ZNF26: variants seen among roughly 807,000 people sequenced by gnomAD.
The protein encoded by ZNF26 is epididymis luminal protein 179.
In ZNF26, 32 loss-of-function variants were observed where a neutral mutation model predicts 54.9. The observed-to-expected ratio is 0.58, with a 90% CI of 0.44 to 0.78. The LOEUF (loss-of-function observed/expected upper bound fraction) is 0.78. ZNF26 is among the 30% of genes least tolerant of loss of function. The pLI is 0.00. For missense variants in ZNF26, 524 were observed against 634.0 expected, an observed-to-expected ratio of 0.83 and a Z score of 1.86; for synonymous variants, 221 against 209.2, an observed-to-expected ratio of 1.06 and a Z score of -0.49.
At chr12:133,008,344 C>T (rs888987839) in intron 3 of ZNF26, among the ~76,000 whole-genome samples, 20 of 152,148 alleles carry the variant, frequency 1.3e-4, no homozygotes, top group African/African-American at 2.2e-4. Context: ...GCCATCTTGC[C>T]GTTCAAGCTG....
chr12:132,997,014 T>C (rs2137227564), intron 1 of ZNF26, among the ~76,000 whole-genome samples: 1 of 152,346 alleles, frequency 6.6e-6, no homozygotes, highest in Admixed American at 6.5e-5. Context: ...CCTGCACCAT[T>C]ACCCCCAGAC....
Position 133,010,578 on chromosome 12 carries a change from T to C in ZNF26, c.699T>C (p.Ser233=). 1 of 1,614,198 alleles carries C rather than the reference T, an allele frequency of 6.2e-7. No individual in the cohort carries two copies. The highest frequency in any genetic ancestry group is 8.5e-7 in the Non-Finnish European group (1 of 1,180,030). Residue 233 remains serine (S), a synonymous_variant, in exon 4 of 4, where the codon AGT becomes AGC. Transcript: ENST00000328654. ...VHTGEKPYSC[S]ECEKVFSFRS... ...CAGGAGAAAAACCCTACTCATGTAG[T>C]GAGTGCGAGAAGGTCTTCTCTTTCA...
At chr12:133,007,618 A>G in intron 3 of ZNF26, 86 bp downstream of exon 3, 3 of 953,472 alleles carry the variant, frequency 3.1e-6, no homozygotes, top group Non-Finnish European at 4.8e-6. Context: ...TGTTGTCTTC[A>G]GAAATGCTTC....
Position 133,007,493 on chromosome 12 carries a change from T to C in ZNF26, c.217T>C (p.Trp73Arg). 6.2e-7 allele frequency: 1 copy of C among 1,613,948 alleles called. No individual in the cohort carries two copies. Among genetic ancestry groups the C allele is most frequent in the East Asian group, 2.2e-5 (1 of 44,868 alleles). Residue 73 changes from tryptophan (W) to arginine (R), a missense_variant, in exon 3 of 4, where the codon TGG (tryptophan) becomes CGG (arginine). Trp to Arg is a moderately radical substitution (Grantham distance 101). Coordinates refer to ENST00000328654, the MANE Select transcript of ZNF26 (RefSeq NM_019591.4). ...CAAGTTGGAACAAGGAGAAGATCCA[T>C]GGATAATAAATGCCAAAATTTCCAG... Reference protein sequence around the residue: ...IFKLEQGEDPWIINAKISRQS... With the variant: ...IFKLEQGEDPRIINAKISRQS...
Position 133,010,716 on chromosome 12 carries a change from TCA to T in ZNF26, c.842_843del (p.Thr281ArgfsTer6), listed in dbSNP as rs1953451530. 1 of 1,613,324 alleles carries T rather than the reference TCA, an allele frequency of 6.2e-7. No homozygotes were observed. Among genetic ancestry groups the T allele is most frequent in the Non-Finnish European group, 8.5e-7 (1 of 1,179,676 alleles). On this transcript the variant is annotated frameshift_variant, in exon 4 of 4. Coordinates refer to ENST00000328654, the MANE Select transcript of ZNF26 (RefSeq NM_019591.4). LOFTEE classifies it high-confidence loss of function. ...KSQLLLHQRS[H>X]TGVKPYECSE... ...CACAGCTTCTTTTACACCAGAGAAG[TCA>T]CACAGGAGTGAAACCGTATGAATGC...
At chr12:132,999,998 G>C (rs1434924381) in intron 1 of ZNF26, among the ~76,000 whole-genome samples, 1 of 152,062 alleles carries the variant, frequency 6.6e-6, no homozygotes, top group Non-Finnish European at 1.5e-5. Context: ...TGTGTCACCA[G>C]TATTATGCCT....
chr12:133,007,071 G>A lies in ZNF26; in HGVS notation c.63G>A (p.Met21Ile). 6.2e-7 allele frequency: 1 copy of A among 1,614,096 alleles called. No individual in the cohort carries two copies. The highest frequency in any genetic ancestry group is 8.5e-7 in the Non-Finnish European group (1 of 1,180,008). ...WGLLSFKDISMEFTWDEWQLL... is the reference protein window; with the variant it reads ...WGLLSFKDISIEFTWDEWQLL... Reference sequence around the variant, plus strand: ...TATTGTCATTCAAGGATATATCTATGGAGTTCACCTGGGATGAATGGCAGC... The same window carrying A: ...TATTGTCATTCAAGGATATATCTATAGAGTTCACCTGGGATGAATGGCAGC... The change falls in exon 2 of 4, where the codon ATG (methionine) becomes ATA (isoleucine). Residue 21 changes from methionine (M) to isoleucine (I), a missense_variant. Coordinates refer to ENST00000328654, the MANE Select transcript of ZNF26 (RefSeq NM_019591.4).
chr12:133,008,337 A>G (rs1049786470), intron 3 of ZNF26, among the ~76,000 whole-genome samples: 22 of 152,234 alleles, frequency 1.4e-4, no homozygotes, highest in Admixed American at 1.4e-3. Flanking sequence ...GAGCAGTGCC[A>G]TCTTGCCGTT....
Position 133,011,283 on chromosome 12 carries a change from A to G in ZNF26, c.1404A>G (p.Ser468=). Residue 468 remains serine (S), a synonymous_variant, in exon 4 of 4, where the codon TCA becomes TCG. Coordinates refer to ENST00000328654, the MANE Select transcript of ZNF26 (RefSeq NM_019591.4). ...AAAAAGCCTACCCTAGGAAGGCATC[A>G]CTTCAGATACACCAGAAAACTCATT... The part of the protein sequence containing the change: ...ECEKAYPRKA[S]LQIHQKTHSG... 1.9e-6 allele frequency: 3 copies of G among 1,613,914 alleles called. No homozygotes were observed. Among genetic ancestry groups the G allele is most frequent in the Non-Finnish European group, 2.5e-6 (3 of 1,179,916 alleles).
chr12:132,995,353 C>T (rs1182457296), intron 1 of ZNF26: 2 of 151,078 alleles, frequency 1.3e-5, no homozygotes, highest in Admixed American at 6.6e-5. Context: ...CGTTGATGCT[C>T]ATTTCAGGGA....
Position 133,010,271 on chromosome 12 carries a change from G to T in ZNF26, c.392G>T (p.Arg131Leu). Residue 131 changes from arginine (R) to leucine (L), a missense_variant, in exon 4 of 4, where the codon CGT (arginine) becomes CTT (leucine). Transcript: ENST00000328654. ...DSSRQRLYNTRGKSLTQNSAP... is the reference protein window; with the variant it reads ...DSSRQRLYNTLGKSLTQNSAP... ...TCAAGACAGAGACTCTATAACACAC[G>T]TGGAAAAAGTTTGACACAAAACTCA... The T allele has an allele frequency of 6.2e-7, 1 of 1,613,976 alleles. No homozygotes were observed. The highest frequency in any genetic ancestry group is 8.5e-7 in the Non-Finnish European group (1 of 1,179,986).
rs1487113145 is a variant in ZNF26, at chr12:133,014,195, G to A, written c.*2714G>A. 3.9e-5 allele frequency: 6 copies of A among 152,218 alleles called. No individual in the cohort carries two copies. Among genetic ancestry groups the A allele is most frequent in the Non-Finnish European group, 7.3e-5 (5 of 68,052 alleles). The allele number at this position is 152,218 out of a possible 1,614,324, so 9.4% of individuals were successfully genotyped here. ...ATAGAGCATTGCAGGAATGAGTAAT[G>A]TATCAAAACTTCTCAGCATGACAAC... On this transcript the variant is annotated 3_prime_UTR_variant, in exon 4 of 4. Coordinates refer to ENST00000328654, the MANE Select transcript of ZNF26 (RefSeq NM_019591.4).
In ZNF26 at chr12:133,015,361, A is replaced by AG. The variant is rs1429718329; in HGVS notation, c.*3880_*3881insG. 6.6e-6 allele frequency: 1 copy of AG among 151,164 alleles called. No homozygotes were observed. Among genetic ancestry groups the AG allele is most frequent in the African/African-American group, 2.5e-5 (1 of 40,656 alleles). The allele number at this position is 151,164 out of a possible 1,614,324, so 9.4% of individuals were successfully genotyped here. ...AGAGTGAGACTCTGTCTCAAAAAAA[A>AG]AAAAAAAAAGAAAAGAAAATGACAA... On this transcript the variant is annotated 3_prime_UTR_variant, in exon 4 of 4. Coordinates refer to ENST00000328654, the MANE Select transcript of ZNF26 (RefSeq NM_019591.4).
intron 1 of ZNF26, chr12:132,987,638 G>T: frequency 1.1e-6 from 1 of 928,192 alleles, no homozygotes; most frequent in Non-Finnish European, 1.3e-6. Flanking sequence ...TTTCGCAGGT[G>T]TTGAATATCC....
At position 133,011,549 on chromosome 12, in the gene ZNF26, CAAGCA is replaced by C; in HGVS notation, c.*69_*73del. ...CTTCGGATAATATAGACAGGATTTA[CAAGCA>C]GGAGGCCCTAAAATTACACTCATGT... On this transcript the variant is annotated 3_prime_UTR_variant, in exon 4 of 4. Transcript: ENST00000328654. 1 of 1,439,692 alleles carries C rather than the reference CAAGCA, an allele frequency of 6.9e-7. No individual in the cohort carries two copies. Among genetic ancestry groups the C allele is most frequent in the Non-Finnish European group, 9.2e-7 (1 of 1,090,648 alleles). The allele number at this position is 1,439,692 out of a possible 1,614,324, so 89.2% of individuals were successfully genotyped here. A position where few individuals can be genotyped will look rare whatever the true frequency, so the allele number is the denominator to read the frequency against.
rs1486030528 is a variant in ZNF26 at position 133,021,025 on chromosome 12, G to A, written c.*9544G>A. 1 of 151,976 alleles carries A rather than the reference G, an allele frequency of 6.6e-6. No homozygotes were observed. The highest frequency in any genetic ancestry group is 1.5e-5 in the Non-Finnish European group (1 of 68,018). The allele number at this position is 151,976 out of a possible 1,614,324, so 9.4% of individuals were successfully genotyped here. Reference sequence around the variant, plus strand: ...AATTAGGACCCCAACATATCTCTTTGAGTTGGGGGGACACTACTCAACACT... The same window carrying A: ...AATTAGGACCCCAACATATCTCTTTAAGTTGGGGGGACACTACTCAACACT... On this transcript the variant is annotated 3_prime_UTR_variant, in exon 4 of 4. Coordinates refer to ENST00000328654, the MANE Select transcript of ZNF26 (RefSeq NM_019591.4).
chr12:133,010,681 A>G lies in ZNF26; in HGVS notation c.802A>G (p.Ser268Gly). The G allele has an allele frequency of 6.2e-7, 1 of 1,614,118 alleles. No individual in the cohort carries two copies. Among genetic ancestry groups the G allele is most frequent in the Non-Finnish European group, 8.5e-7 (1 of 1,180,020 alleles). The change falls in exon 4 of 4, where the codon AGT becomes GGT. Residue 268 changes from serine (S) to glycine (G), a missense_variant. Coordinates refer to ENST00000328654, the MANE Select transcript of ZNF26 (RefSeq NM_019591.4). The part of the protein sequence containing the change: ...YGCSECGKAY[S>G]WKSQLLLHQR... ...CTGCAGTGAATGTGGGAAAGCCTAC[A>G]GTTGGAAATCACAGCTTCTTTTACA...
In ZNF26 at chr12:132,986,753, C is replaced by A. The variant is rs993457120; in HGVS notation, c.-88C>A. 68 of 1,455,588 alleles carry A rather than the reference C, an allele frequency of 4.7e-5. No individual in the cohort carries two copies. Among genetic ancestry groups the A allele is most frequent in the Non-Finnish European group, 6.1e-5 (65 of 1,067,172 alleles). The allele number at this position is 1,455,588 out of a possible 1,614,324, so 90.2% of individuals were successfully genotyped here. A position where few individuals can be genotyped will look rare whatever the true frequency, so the allele number is the denominator to read the frequency against. The stretch of plus-strand genomic sequence containing the variant: ...AGGAGCCTGGGGCCCTGGTCCCGCA[C>A]CTGTCTTCGGGCGGACGCATCCCTC... On this transcript the variant is annotated 5_prime_UTR_variant, in exon 1 of 4. Transcript: ENST00000328654.
At chr12:132,989,266 G>A (rs1952896260) in intron 1 of ZNF26, among the ~76,000 whole-genome samples, 2 of 151,958 alleles carry the variant, frequency 1.3e-5, no homozygotes, top group South Asian at 4.1e-4. Context: ...TCGATCTCCT[G>A]ACCTCGTGAT....
Sources: allele counts gnomAD v4.1 joint callset (sites outside exome capture counted in the v4.1 genomes callset), GRCh38; gene constraint gnomAD v4.1.1; transcripts MANE v1.5; gene names NCBI Gene and HGNC (gene_info 2026-07-23, HGNC 2026-07-21).